The following KCNC2 variants were observed in gnomAD, a reference collection of about 807,000 sequenced individuals.
The protein encoded by KCNC2 is potassium voltage-gated channel subfamily C member 2, also known as voltage-gated potassium channel KCNC2.
In KCNC2, 21 loss-of-function variants were observed where a neutral mutation model predicts 44.5. The observed-to-expected ratio is 0.47, with a 90% confidence interval of 0.33 to 0.68. The LOEUF (loss-of-function observed/expected upper bound fraction) is 0.68, where lower values mean the gene tolerates loss of function less well. Among genes scored for constraint, KCNC2 ranks in the 30% least tolerant of loss-of-function variants. The pLI, the probability that KCNC2 is intolerant of heterozygous loss-of-function variation, is 0.01. For synonymous variants in KCNC2, 391 were observed against 339.1 expected, an observed-to-expected ratio of 1.15 and a Z score of -1.68; for missense variants, 589 against 826.2, an observed-to-expected ratio of 0.71 and a Z score of 3.52.
chr12:75,135,696 T>C (rs1889177227), intron 2 of KCNC2, among the ~76,000 whole-genome samples: 1 of 152,078 alleles, frequency 6.6e-6, no homozygotes, highest in African/African-American at 2.4e-5. Flanking sequence ...CTTACCTCTT[T>C]GTTCCACATG....
intron 2 of KCNC2, among the ~76,000 whole-genome samples, chr12:75,171,242 C>T (rs1399747701): frequency 6.6e-6 from 1 of 151,770 alleles, no homozygotes; most frequent in Admixed American, 6.6e-5. Context: ...AATCCCTTCA[C>T]CTTTGCCAGG....
chr12:75,105,205 G>A (rs529764594), intron 2 of KCNC2, among the ~76,000 whole-genome samples: 59 of 152,228 alleles, frequency 3.9e-4, no homozygotes, highest in Non-Finnish European at 6.8e-4. Flanking sequence ...ATAAGGAAAA[G>A]GCTGAAGGAA....
intron 2 of KCNC2, among the ~76,000 whole-genome samples, chr12:75,171,396 C>T (rs1013248420): frequency 6.6e-6 from 1 of 151,792 alleles, no homozygotes; most frequent in African/African-American, 2.4e-5. Flanking sequence ...AACCTTGAGG[C>T]TATCTTAGAA....
At chr12:75,117,577 T>C (rs962345069) in intron 2 of KCNC2, among the ~76,000 whole-genome samples, 4 of 152,192 alleles carry the variant, frequency 2.6e-5, no homozygotes, top group Non-Finnish European at 4.4e-5. Flanking sequence ...ATTCAGGGAA[T>C]TTTTTAAGAA....
chr12:75,192,855 C>T (rs1565683439), intron 2 of KCNC2, among the ~76,000 whole-genome samples: 1 of 151,672 alleles, frequency 6.6e-6, no homozygotes, highest in Admixed American at 6.6e-5. Flanking sequence ...AAAATGGTGA[C>T]CATAATAAAT....
intron 2 of KCNC2, among the ~76,000 whole-genome samples, chr12:75,139,562 T>C (rs1286823125): frequency 6.6e-6 from 1 of 152,230 alleles, no homozygotes; most frequent in East Asian, 1.9e-4. Flanking sequence ...TGCTTTTCCA[T>C]ATCCATAAAT....
At position 75,041,530 on chromosome 12, in the gene KCNC2, T is replaced by C; in HGVS notation, c.*1575A>G. The C allele has an allele frequency of 8.8e-7, 1 of 1,133,598 alleles. No homozygotes were observed. Among genetic ancestry groups the C allele is most frequent in the Non-Finnish European group, 1.1e-6 (1 of 915,740 alleles). 70.2% of individuals were successfully genotyped at this position (1,133,598 alleles called of 1,614,324 possible). ...ATGCCTTAGTGATATTATTTATCCCTCTATTTATATTACGGTCTTTTTCTT... is the reference window on the plus strand; with the variant it reads ...ATGCCTTAGTGATATTATTTATCCCCCTATTTATATTACGGTCTTTTTCTT... On this transcript the variant is annotated 3_prime_UTR_variant, in exon 5 of 5. Coordinates refer to ENST00000549446, the MANE Select transcript of KCNC2 (RefSeq NM_139137.4).
intron 2 of KCNC2, among the ~76,000 whole-genome samples, chr12:75,053,225 C>T (rs7970843): frequency 0.16 from 24,658 of 151,162 alleles, 2,213 homozygotes; most frequent in Middle Eastern, 0.26. Context: ...TACCTAAAAT[C>T]TTTTGTCATT....
intron 2 of KCNC2, among the ~76,000 whole-genome samples, chr12:75,189,576 A>G (rs1365238577): frequency 6.6e-6 from 1 of 152,224 alleles, no homozygotes; most frequent in Non-Finnish European, 1.5e-5. Flanking sequence ...GCTAGGCATC[A>G]GTAATTAATT....
chr12:75,167,743 T>C (rs1891552196), intron 2 of KCNC2, among the ~76,000 whole-genome samples: 1 of 151,380 alleles, frequency 6.6e-6, no homozygotes, highest in Non-Finnish European at 1.5e-5. Context: ...ATTGAGTTAT[T>C]AAATCTTAAT....
intron 4 of KCNC2, among the ~76,000 whole-genome samples, chr12:75,045,546 A>G (rs1312295923): frequency 6.6e-6 from 1 of 151,960 alleles, no homozygotes; most frequent in East Asian, 1.9e-4. Flanking sequence ...TTGCTTAATC[A>G]AGGTTTTACT....
intron 2 of KCNC2, among the ~76,000 whole-genome samples, chr12:75,091,958 T>TA (rs1885517624): frequency 1.3e-5 from 2 of 151,812 alleles, no homozygotes; most frequent in South Asian, 4.1e-4. Flanking sequence ...TGATTGAAGA[T>TA]AAAAAATATA....
chr12:75,182,330 C>T (rs989561311), intron 2 of KCNC2, among the ~76,000 whole-genome samples: 1 of 134,882 alleles, frequency 7.4e-6, no homozygotes, highest in African/African-American at 2.8e-5. Context: ...GGAGACCATC[C>T]TGGTTAACAC....
chr12:75,091,505 G>A (rs80027672), intron 2 of KCNC2, among the ~76,000 whole-genome samples: 259 of 151,766 alleles, frequency 1.7e-3, no homozygotes, highest in Non-Finnish European at 3.0e-3. Flanking sequence ...CTTGAAAAGT[G>A]GTTTGTCCAC....
At chr12:75,057,880 C>T (rs1459052208) in intron 2 of KCNC2, among the ~76,000 whole-genome samples, 1 of 151,226 alleles carries the variant, frequency 6.6e-6, no homozygotes, top group Non-Finnish European at 1.5e-5. Context: ...TCTTTATATC[C>T]TTATCCAATG....
chr12:75,208,163 C>A (rs548228670), intron 1 of KCNC2, among the ~76,000 whole-genome samples, 161 bp from the exon 2 acceptor site: 1 of 152,106 alleles, frequency 6.6e-6, no homozygotes, highest in Non-Finnish European at 1.5e-5. Flanking sequence ...AGCGCTGTCC[C>A]CGCCTCTTGC....
At chr12:75,144,370 C>G (rs574478761) in intron 2 of KCNC2, among the ~76,000 whole-genome samples, 1 of 152,230 alleles carries the variant, frequency 6.6e-6, no homozygotes, top group South Asian at 2.1e-4. Context: ...AGAGTGTTGT[C>G]CCACTAGTAC....
At chr12:75,193,469 G>T (rs1450399796) in intron 2 of KCNC2, among the ~76,000 whole-genome samples, 25 of 152,078 alleles carry the variant, frequency 1.6e-4, no homozygotes, top group Admixed American at 3.3e-4. Context: ...AGAAGGTCTG[G>T]AATTTCTTTC....
intron 2 of KCNC2, among the ~76,000 whole-genome samples, chr12:75,158,504 G>T (rs967245543): frequency 6.6e-6 from 1 of 151,870 alleles, no homozygotes; most frequent in African/African-American, 2.4e-5. Context: ...TACATTGGGT[G>T]TAATTTTGGT....
Sources: allele counts gnomAD v4.1 joint callset (sites outside exome capture counted in the v4.1 genomes callset), GRCh38; gene constraint gnomAD v4.1.1; transcripts MANE v1.5; gene names NCBI Gene and HGNC (gene_info 2026-07-23, HGNC 2026-07-21).